TRRAP: variants seen among roughly 807,000 people sequenced by gnomAD.
The protein encoded by TRRAP is transformation/transcription domain associated protein, also known as transformation/transcription domain-associated protein.
In TRRAP, 41 loss-of-function variants were observed where a neutral mutation model predicts 438.8. The ratio of observed to expected loss-of-function variants is 0.09; its 90% CI spans 0.07 to 0.12. TRRAP has a LOEUF of 0.12. Among genes scored for constraint, TRRAP ranks in the 10% least tolerant of loss-of-function variants. TRRAP has a pLI of 1.00. For synonymous variants in TRRAP, 1,994 were observed against 1,962.9 expected (o/e 1.02, Z -0.42); for missense variants, 3,122 against 5,055.1 (o/e 0.62, Z 11.60).
chr7:98,905,461 C>A (rs1461454764), intron 12 of TRRAP, among the ~76,000 whole-genome samples: 1 of 152,204 alleles, frequency 6.6e-6, no homozygotes, highest in Non-Finnish European at 1.5e-5. Flanking sequence ...ATTAATAGAA[C>A]TCCCCAGGGG....
In TRRAP at chr7:98,984,112, G is replaced by A. The variant is rs1382056704; in HGVS notation, c.9042G>A (p.Glu3014=). ...CTCTAGCGATTGTAACTGCCTATGAGAATAGCTCTCAGCATGATCCCAGTT... is the reference window on the plus strand; with the variant it reads ...CTCTAGCGATTGTAACTGCCTATGAAAATAGCTCTCAGCATGATCCCAGTT... ...HHYQAIVTAY[E]NSSQHDPSSN... is the part of the protein sequence containing the mutation. The change falls in exon 61 of 73, where the codon GAG becomes GAA. Residue 3014 remains glutamate (E), a synonymous_variant. Transcript: ENST00000456197. 4 of 1,610,680 alleles carry A rather than the reference G, an allele frequency of 2.5e-6. No homozygotes were observed. The highest frequency in any genetic ancestry group is 3.4e-6 in the Non-Finnish European group (4 of 1,178,254).
intron 12 of TRRAP, among the ~76,000 whole-genome samples, chr7:98,905,073 T>A (rs1315071886): frequency 6.6e-6 from 1 of 152,130 alleles, no homozygotes; most frequent in Non-Finnish European, 1.5e-5. Flanking sequence ...GTCACGCAAT[T>A]TCATCTCCTA....
intron 69 of TRRAP, among the ~76,000 whole-genome samples, chr7:99,008,015 G>GAGGTTTCACCATGTTGACC (rs1794270101): frequency 6.6e-6 from 1 of 151,476 alleles, no homozygotes. Flanking sequence ...TAGTAGAGAC[G>GAGGTTTCACCATGTTGACC]AGGTTTCACC....
In TRRAP at chr7:98,910,689, G is replaced by A. The variant is rs963900585; in HGVS notation, c.1812+82G>A. ...GAGGTCATAGTGGTGGGGTGGCAGT[G>A]AGAGCTGTTAGTATTTGGATGGTCC... is the stretch of plus-strand genomic sequence containing the variant. On this transcript the variant is annotated intron_variant, in intron 16 of 72. Transcript: ENST00000456197. The A allele has an allele frequency of 5.9e-5, 71 of 1,211,116 alleles. No individual in the cohort carries two copies. In the East Asian group the frequency reaches 1.6e-3, roughly 28 times the overall value. 75.0% of individuals were successfully genotyped at this position (1,211,116 alleles called of 1,614,324 possible).
At chr7:98,993,396 G>A (rs775851806) in intron 65 of TRRAP, 142 bp from the exon 66 acceptor site, 10 of 869,116 alleles carry the variant, frequency 1.2e-5, no homozygotes, top group South Asian at 1.7e-5. Flanking sequence ...CTTCTCCCAC[G>A]CAGTCCTTGG....
At position 98,984,352 on chromosome 7, in the gene TRRAP, C is replaced by T; in HGVS notation, c.9282C>T (p.Cys3094=). 6.3e-7 allele frequency: 1 copy of T among 1,578,838 alleles called. No homozygotes were observed. The highest frequency in any genetic ancestry group is 8.6e-7 in the Non-Finnish European group (1 of 1,161,154). Residue 3094 remains cysteine (C), a synonymous_variant, in exon 61 of 73, where the codon TGC becomes TGT. Coordinates refer to ENST00000456197, the MANE Select transcript of TRRAP (RefSeq NM_001375524.1). ...CAGGCGTCATGGGCAAAAACGAGTG[C>T]ATGCAGGTGCGGACAGGACACTTGA... ...QLAGVMGKNE[C]MQGLEVIEST...
chr7:99,012,037 A>G lies in TRRAP; in HGVS notation c.11338-34A>G, dbSNP rs1417401582. The G allele has an allele frequency of 1.2e-6, 2 of 1,602,742 alleles. No individual in the cohort carries two copies. Among genetic ancestry groups the G allele is most frequent in the African/African-American group, 2.7e-5 (2 of 74,726 alleles). ...CTGCCCCTGTGGGCTGTTCTTGGTTAAACACAAGTCGTCTCGTTCTCTCCC... is the reference window on the plus strand; with the variant it reads ...CTGCCCCTGTGGGCTGTTCTTGGTTGAACACAAGTCGTCTCGTTCTCTCCC... On this transcript the variant is annotated intron_variant, in intron 72 of 72. Coordinates refer to ENST00000456197, the MANE Select transcript of TRRAP (RefSeq NM_001375524.1). The surrounding 1 kb of genome is among the most constrained non-coding windows in gnomAD (Gnocchi z 5.9).
chr7:98,899,300 A>T, intron 8 of TRRAP, 122 bp from the exon 9 acceptor site: 1 of 766,648 alleles, frequency 1.3e-6, no homozygotes, highest in East Asian at 2.5e-5. Context: ...ACAAATATTT[A>T]CAAAGAGGTG....
At position 98,962,436 on chromosome 7, in the gene TRRAP, GTGTC is replaced by G. The variant is rs777488205; in HGVS notation, c.6829+14_6829+17del. 5.1e-5 allele frequency: 83 copies of G among 1,614,116 alleles called. No homozygotes were observed. The South Asian group carries it at 8.9e-4, about 17-fold the overall frequency. Reference sequence around the variant, plus strand: ...TCCCTCCCAGCTCTTCGGTGAGTGTGTGTCTGTCCTGGTGTTCGTGGTGGCTCAG... The same window carrying G: ...TCCCTCCCAGCTCTTCGGTGAGTGTGTGTCCTGGTGTTCGTGGTGGCTCAG... On this transcript the variant is annotated intron_variant, in intron 47 of 72. Transcript: ENST00000456197.
chr7:98,906,325 A>G (rs782259918), intron 13 of TRRAP, 70 bp downstream of exon 13: 14 of 1,306,800 alleles, frequency 1.1e-5, no homozygotes, highest in South Asian at 1.3e-5. Flanking sequence ...ACTTCATGTT[A>G]CAAGTGTTTC....
At position 98,950,928 on chromosome 7, in the gene TRRAP, A is replaced by G; in HGVS notation, c.5387A>G (p.Glu1796Gly). The G allele has an allele frequency of 6.2e-7, 1 of 1,606,918 alleles. No individual in the cohort carries two copies. The highest frequency in any genetic ancestry group is 8.5e-7 in the Non-Finnish European group (1 of 1,177,420). ...PAFLYSFEKGEGEQLLGPPNP... is the reference protein window; with the variant it reads ...PAFLYSFEKGGGEQLLGPPNP... ...TTCTTGTACAGCTTTGAGAAGGGGGAAGGAGAGCAGCTCTTGGGACCTCCC... is the reference window on the plus strand; with the variant it reads ...TTCTTGTACAGCTTTGAGAAGGGGGGAGGAGAGCAGCTCTTGGGACCTCCC... The change falls in exon 39 of 73, where the codon GAA becomes GGA. Residue 1796 changes from glutamate (E) to glycine (G), a missense_variant. This residue lies in a region of TRRAP where 272 missense variants were observed against 348.5 expected (regional missense o/e 0.78). Coordinates refer to ENST00000456197, the MANE Select transcript of TRRAP (RefSeq NM_001375524.1).
rs774853896 is a variant in TRRAP, at chr7:98,959,390, C to G, written c.6389C>G (p.Ser2130Cys). The G allele has an allele frequency of 1.2e-6, 2 of 1,614,168 alleles. No homozygotes were observed. Among genetic ancestry groups the G allele is most frequent in the Non-Finnish European group, 1.7e-6 (2 of 1,180,030 alleles). ...GCGGGGTCCCCTGGGGAGGTGCTCTCTCGCCGGTGTGTGAACCTTCTGAAG... is the reference window on the plus strand; with the variant it reads ...GCGGGGTCCCCTGGGGAGGTGCTCTGTCGCCGGTGTGTGAACCTTCTGAAG... ...NTAGSPGEVL[S>C]RRCVNLLKTA... Residue 2130 changes from serine (S) to cysteine (C), a missense_variant, in exon 45 of 73, where the codon TCT becomes TGT. This residue lies in a region of TRRAP where 992 missense variants were observed against 1,281.2 expected (regional missense o/e 0.77). Transcript: ENST00000456197.
intron 68 of TRRAP, 140 bp from the exon 69 acceptor site, chr7:99,004,991 G>T: frequency 2.6e-6 from 2 of 768,478 alleles, no homozygotes; most frequent in Admixed American, 4.5e-5. Context: ...GGTGAGGCAG[G>T]GTACAAATAA....
chr7:98,994,941 T>C lies in TRRAP; in HGVS notation c.10309+93T>C. The C allele has an allele frequency of 2.0e-6, 3 of 1,528,132 alleles. No individual in the cohort carries two copies. The South Asian group carries it at 3.7e-5, about 19-fold the overall frequency. 94.7% of individuals were successfully genotyped at this position (1,528,132 alleles called of 1,614,324 possible). On this transcript the variant is annotated intron_variant, in intron 67 of 72. Coordinates refer to ENST00000456197, the MANE Select transcript of TRRAP (RefSeq NM_001375524.1). The surrounding 1 kb of genome is among the most constrained non-coding windows in gnomAD (Gnocchi z 4.8). ...TTGAAGCTGATTGGATCCTTGGTTT[T>C]CTGATCACTGCACGGGGCACACTGG...
chr7:98,953,514 C>G, intron 40 of TRRAP, 81 bp downstream of exon 40: 1 of 1,558,186 alleles, frequency 6.4e-7, no homozygotes, highest in Non-Finnish European at 8.7e-7. Flanking sequence ...CAGTCTCAGC[C>G]TCTCCTGTTG....
At chr7:98,943,058 A>G (rs782224866) in intron 31 of TRRAP, 41 bp downstream of exon 31, 4 of 1,610,120 alleles carry the variant, frequency 2.5e-6, no homozygotes, top group African/African-American at 1.3e-5. Context: ...ACCAGCCGCC[A>G]TGCTGGGTCA....
At chr7:98,935,739 A>G in intron 28 of TRRAP, 64 bp downstream of exon 28, 3 of 1,299,544 alleles carry the variant, frequency 2.3e-6, no homozygotes, top group Non-Finnish European at 3.1e-6. Flanking sequence ...AGGTCTATAG[A>G]AAAAAAAAGT....
intron 12 of TRRAP, among the ~76,000 whole-genome samples, chr7:98,904,664 C>T (rs1420386903): frequency 5.9e-5 from 9 of 152,252 alleles, no homozygotes; most frequent in African/African-American, 2.2e-4. Flanking sequence ...TCACATTAGA[C>T]TTTCGGGGTT....
At chr7:98,926,283 T>C (rs2116490816) in intron 22 of TRRAP, among the ~76,000 whole-genome samples, 1 of 152,008 alleles carries the variant, frequency 6.6e-6, no homozygotes, top group East Asian at 1.9e-4. Context: ...ATCCGAGATG[T>C]TGAGTGAATC....
Sources: allele counts gnomAD v4.1 joint callset (sites outside exome capture counted in the v4.1 genomes callset), GRCh38; gene constraint gnomAD v4.1.1; regional missense constraint gnomAD v4.1.1; non-coding constraint Gnocchi (gnomAD v3.1); transcripts MANE v1.5; gene names NCBI Gene and HGNC (gene_info 2026-07-23, HGNC 2026-07-21).